The following ROCK2 variants were observed in gnomAD, a reference collection of about 807,000 sequenced individuals.
ROCK2 encodes the protein rho-associated protein kinase 2.
A neutral mutation model predicts 195.1 loss-of-function variants in ROCK2; 61 were observed. The ratio of observed to expected loss-of-function variants is 0.31; its 90% CI spans 0.25 to 0.39. ROCK2 has a LOEUF of 0.39. ROCK2 is among the 10% of genes least tolerant of loss of function. The pLI, the probability that ROCK2 is intolerant of heterozygous loss-of-function variation, is 1.00. For missense variants in ROCK2, 1,109 were observed against 1,637.4 expected, an observed-to-expected ratio of 0.68 and a Z score of 5.57; for synonymous variants, 504 against 545.5, an observed-to-expected ratio of 0.92 and a Z score of 1.06.
At position 11,194,758 on chromosome 2, in the gene ROCK2, CTTA is replaced by C. The variant is rs976578780; in HGVS notation, c.3519+194_3519+196del. ...ACAATTTCCTAACAATAAAATCTGT[CTTA>C]TTATTAACAAGGTATGAGGACAAAA... On this transcript the variant is annotated intron_variant, in intron 28 of 32. Transcript: ENST00000315872. Among the ~76,000 whole-genome samples the C allele has an allele frequency of 1.3e-5, 2 of 149,406 alleles. 1 individual carries two copies. The highest frequency in any genetic ancestry group is 4.3e-4 in the South Asian group (2 of 4,656).
Position 11,221,300 on chromosome 2 carries a change from T to C in ROCK2, c.1157A>G (p.Asp386Gly), listed in dbSNP as rs1664629451. 1 of 1,591,918 alleles carries C rather than the reference T, an allele frequency of 6.3e-7. No individual in the cohort carries two copies. Among genetic ancestry groups the C allele is most frequent in the South Asian group, 1.2e-5 (1 of 84,844 alleles). Residue 386 changes from aspartate (D) to glycine (G), a missense_variant, in exon 9 of 33, where the codon GAC (aspartate) becomes GGC (glycine). Asp to Gly is a moderately conservative substitution (Grantham distance 94, BLOSUM62 -1). This residue lies in a region of ROCK2 where 253 missense variants were observed against 455.5 expected (regional missense o/e 0.56). Transcript: ENST00000315872. ...SSDIDSSNFD[D>G]IEDDKGDVET... ...TACATCTCCTTTGTCATCTTCAATGTCATCGAAATTGCTGCTGTCTATGTC... is the reference window on the plus strand; with the variant it reads ...TACATCTCCTTTGTCATCTTCAATGCCATCGAAATTGCTGCTGTCTATGTC...
At chr2:11,218,546 T>A (rs1253488865) in intron 10 of ROCK2, 80 bp from the exon 11 acceptor site, 2 of 1,003,464 alleles carry the variant, frequency 2.0e-6, no homozygotes, top group Non-Finnish European at 2.9e-6. Flanking sequence ...ACACAAACCA[T>A]AACAAAATTA....
intron 23 of ROCK2, among the ~76,000 whole-genome samples, chr2:11,199,379 C>T (rs567235949): frequency 1.3e-5 from 2 of 151,116 alleles, no homozygotes; most frequent in East Asian, 1.9e-4. Flanking sequence ...CAATGGCGTG[C>T]GATCACCACT....
At chr2:11,241,399 G>A (rs955234893) in intron 4 of ROCK2, among the ~76,000 whole-genome samples, 4 of 152,106 alleles carry the variant, frequency 2.6e-5, no homozygotes, top group Non-Finnish European at 5.9e-5. Context: ...AAGGGGATAG[G>A]GGCTTAGGAG....
chr2:11,246,426 G>C (rs573102539), intron 4 of ROCK2, among the ~76,000 whole-genome samples: 1 of 151,970 alleles, frequency 6.6e-6, no homozygotes, highest in South Asian at 2.1e-4. Context: ...AGGTGTTTAG[G>C]GGTACACATC....
At chr2:11,270,487 T>A (rs1448718491) in intron 3 of ROCK2, among the ~76,000 whole-genome samples, 1 of 152,220 alleles carries the variant, frequency 6.6e-6, no homozygotes, top group Non-Finnish European at 1.5e-5. Context: ...ATTACACATA[T>A]TTTACACCTT....
intron 1 of ROCK2, among the ~76,000 whole-genome samples, chr2:11,311,051 A>G (rs1436303893): frequency 1.3e-5 from 2 of 151,554 alleles, no homozygotes; most frequent in Admixed American, 1.3e-4. Flanking sequence ...CCAACTCTCA[A>G]CTAGCTATGA....
At chr2:11,198,878 T>C (rs1186538832) in intron 23 of ROCK2, 104 bp from the exon 24 acceptor site, 2 of 631,558 alleles carry the variant, frequency 3.2e-6, no homozygotes, top group East Asian at 3.2e-5. Context: ...AAACCTCTTA[T>C]TTTTCTTTTT....
At chr2:11,317,610 A>T (rs867073352) in intron 1 of ROCK2, among the ~76,000 whole-genome samples, 2,419 of 16,622 alleles carry the variant, frequency 0.15, 233 homozygotes, top group East Asian at 0.59. Flanking sequence ...ATATATATAT[A>T]TATTTTTTTT....
chr2:11,268,488 TTG>T (rs60063109), intron 3 of ROCK2, among the ~76,000 whole-genome samples: 31 of 149,754 alleles, frequency 2.1e-4, no homozygotes, highest in Non-Finnish European at 7.4e-5. Flanking sequence ...GTTTTTTTCC[TTG>T]TGTGTGTGTG....
At chr2:11,238,879 C>T (rs1665323175) in intron 4 of ROCK2, among the ~76,000 whole-genome samples, 1 of 151,890 alleles carries the variant, frequency 6.6e-6, no homozygotes, top group African/African-American at 2.4e-5. Flanking sequence ...ATCGATTGAA[C>T]ACAGTTGTAT....
Position 11,197,112 on chromosome 2 carries a change from C to T in ROCK2, c.3448+68G>A, listed in dbSNP as rs551603464. 8.2e-5 allele frequency: 94 copies of T among 1,146,162 alleles called. No homozygotes were observed. In the African/African-American group the frequency reaches 1.2e-3, roughly 15 times the overall value. 71.0% of individuals were successfully genotyped at this position (1,146,162 alleles called of 1,614,324 possible). ...ACATTTTTCCTTCAGAGCAGTCAGT[C>T]GCAAGACTTAAAACAATCAACTGAT... On this transcript the variant is annotated intron_variant, in intron 27 of 32. Coordinates refer to ENST00000315872, the MANE Select transcript of ROCK2 (RefSeq NM_004850.5). This position sits in a 1 kb window ranked among gnomAD's most constrained non-coding sequence, Gnocchi z 4.9.
intron 1 of ROCK2, among the ~76,000 whole-genome samples, chr2:11,293,351 A>G (rs1291176745): frequency 6.6e-6 from 1 of 152,194 alleles, no homozygotes; most frequent in Non-Finnish European, 1.5e-5. Flanking sequence ...AAGTAATTTC[A>G]CCCAACTTCT....
At position 11,344,582 on chromosome 2, in the gene ROCK2, C is replaced by G. The variant is rs1442978479; in HGVS notation, c.-446G>C. The G allele has an allele frequency of 2.8e-6, 2 of 724,752 alleles. No individual in the cohort carries two copies. The highest frequency in any genetic ancestry group is 3.4e-6 in the Non-Finnish European group (2 of 595,286). 44.9% of individuals were successfully genotyped at this position (724,752 alleles called of 1,614,324 possible). A position where few individuals can be genotyped will look rare whatever the true frequency, so the allele number is the denominator to read the frequency against. ...CGCTGCCATGGTCGCCGCCGGCCGC[C>G]TTGCAGTCCCTCAGCCAGCTCCCGG... On this transcript the variant is annotated 5_prime_UTR_variant, in exon 1 of 33. Coordinates refer to ENST00000315872, the MANE Select transcript of ROCK2 (RefSeq NM_004850.5). This position sits in a 1 kb window ranked among gnomAD's most constrained non-coding sequence, Gnocchi z 5.4.
intron 32 of ROCK2, among the ~76,000 whole-genome samples, chr2:11,186,270 G>A (rs748256271): frequency 3.3e-5 from 5 of 152,116 alleles, no homozygotes; most frequent in Non-Finnish European, 5.9e-5. Context: ...CAGCTCTACT[G>A]CTTGGGAGAT....
At chr2:11,324,419 G>A (rs1031636519) in intron 1 of ROCK2, among the ~76,000 whole-genome samples, 11 of 117,704 alleles carry the variant, frequency 9.3e-5, no homozygotes, top group African/African-American at 2.3e-4. Context: ...GGGAGACTCC[G>A]TCTCAAAAAA....
In ROCK2 at chr2:11,197,954, T is replaced by C. The variant is rs541029194; in HGVS notation, c.3100-249A>G. ...CTGAGAATTATAATTTAAATATTTA[T>C]AGAATTGATCTGATGTTGCTTTCTA... On this transcript the variant is annotated intron_variant, in intron 25 of 32. Transcript: ENST00000315872. The surrounding 1 kb of genome is among the most constrained non-coding windows in gnomAD (Gnocchi z 4.9). Among the ~76,000 whole-genome samples, 2 of 152,386 alleles carry C rather than the reference T, an allele frequency of 1.3e-5. No individual in the cohort carries two copies. The highest frequency in any genetic ancestry group is 3.9e-4 in the East Asian group (2 of 5,194).
chr2:11,298,573 T>G (rs1667609264), intron 1 of ROCK2, among the ~76,000 whole-genome samples: 1 of 151,982 alleles, frequency 6.6e-6, no homozygotes, highest in Admixed American at 6.6e-5. Flanking sequence ...TTCTAATATA[T>G]TGTATCTTCT....
At chr2:11,240,055 TCAC>T (rs1382747018) in intron 4 of ROCK2, among the ~76,000 whole-genome samples, 3 of 152,184 alleles carry the variant, frequency 2.0e-5, no homozygotes, top group African/African-American at 7.2e-5. Context: ...ATCAATGTGT[TCAC>T]CAACCAGTAA....
Sources: allele counts gnomAD v4.1 joint callset (sites outside exome capture counted in the v4.1 genomes callset), GRCh38; gene constraint gnomAD v4.1.1; regional missense constraint gnomAD v4.1.1; non-coding constraint Gnocchi (gnomAD v3.1); transcripts MANE v1.5; gene names NCBI Gene and HGNC (gene_info 2026-07-23, HGNC 2026-07-21).